FLNB: variants seen among roughly 807,000 people sequenced by gnomAD.
The protein encoded by FLNB is filamin-B.
In FLNB, 111 loss-of-function variants were observed where a neutral mutation model predicts 250.6. That is an observed-to-expected ratio of 0.44 (90% CI 0.38 to 0.52). The LOEUF (loss-of-function observed/expected upper bound fraction) is 0.52, where lower values mean the gene tolerates loss of function less well. FLNB is among the 20% of genes least tolerant of loss of function. The pLI is 0.00. For missense variants in FLNB, 2,869 were observed against 3,447.8 expected, an observed-to-expected ratio of 0.83 and a Z score of 4.20; for synonymous variants, 1,302 against 1,372.1, an observed-to-expected ratio of 0.95 and a Z score of 1.13.
At chr3:58,030,618 A>G (rs1023058343) in intron 1 of FLNB, among the ~76,000 whole-genome samples, 1 of 152,142 alleles carries the variant, frequency 6.6e-6, no homozygotes, top group South Asian at 2.1e-4. Flanking sequence ...TCATGCCTGT[A>G]ATCCCAGCAC....
chr3:58,112,679 G>A (rs565418546), intron 18 of FLNB, among the ~76,000 whole-genome samples: 1 of 152,286 alleles, frequency 6.6e-6, no homozygotes, highest in Admixed American at 6.5e-5. Context: ...ACACACACGT[G>A]CATTCCCTCG....
intron 27 of FLNB, 38 bp downstream of exon 27, chr3:58,134,810 T>G: frequency 6.3e-7 from 1 of 1,585,998 alleles, no homozygotes; most frequent in Non-Finnish European, 8.7e-7. Context: ...ACCTTAATCC[T>G]AAGACTTAAT....
Position 58,169,829 on chromosome 3 carries a change from C to T in FLNB, c.7621+36C>T, listed in dbSNP as rs745396044. On this transcript the variant is annotated intron_variant, in intron 45 of 45. Transcript: ENST00000295956. The surrounding 1 kb of genome is among the most constrained non-coding windows in gnomAD (Gnocchi z 4.8). ...GGGCCTTTTCAAGGGTGGGGTGGGGCAGGGGCAGGCTGGGCACCCTGGGTA... is the reference window on the plus strand; with the variant it reads ...GGGCCTTTTCAAGGGTGGGGTGGGGTAGGGGCAGGCTGGGCACCCTGGGTA... 3.9e-6 allele frequency: 5 copies of T among 1,276,462 alleles called. No individual in the cohort carries two copies. Among genetic ancestry groups the T allele is most frequent in the South Asian group, 1.2e-5 (1 of 83,498 alleles). 79.1% of individuals were successfully genotyped at this position (1,276,462 alleles called of 1,614,324 possible).
chr3:58,110,606 G>A (rs527425631), intron 16 of FLNB, among the ~76,000 whole-genome samples: 1 of 152,008 alleles, frequency 6.6e-6, no homozygotes, highest in Non-Finnish European at 1.5e-5. Flanking sequence ...CACCACGCCT[G>A]GCTAATTTTT....
Position 58,123,566 on chromosome 3 carries a change from C to T in FLNB, c.3600C>T (p.Gly1200=). 1 of 1,611,098 alleles carries T rather than the reference C, an allele frequency of 6.2e-7. No homozygotes were observed. Among genetic ancestry groups the T allele is most frequent in the Non-Finnish European group, 8.5e-7 (1 of 1,179,112 alleles). Residue 1200 remains glycine, a synonymous_variant, in exon 21 of 46, where the codon GGC becomes GGT. Coordinates refer to ENST00000295956, the MANE Select transcript of FLNB (RefSeq NM_001457.4). ...TGACCTACGTGCCCCTGACGGCCGG[C>T]ATGTACACGTTGACCATGAAGTATG... ...YAVTYVPLTA[G]MYTLTMKYGG... is the part of the protein sequence containing the mutation.
Position 58,152,650 on chromosome 3 carries a change from T to C in FLNB, c.6368-725T>C, listed in dbSNP as rs374726325. On this transcript the variant is annotated intron_variant, in intron 38 of 45. Transcript: ENST00000295956. ...TTTGAATTTTGGAGGGACACAAACA[T>C]TCAGTTCATTACATGGGTGACCCTC... is the stretch of plus-strand genomic sequence containing the variant. 15 of 744,710 alleles carry C rather than the reference T, an allele frequency of 2.0e-5. No homozygotes were observed. In the African/African-American group the frequency reaches 2.5e-4, roughly 13 times the overall value. 46.1% of individuals were successfully genotyped at this position (744,710 alleles called of 1,614,324 possible).
intron 1 of FLNB, among the ~76,000 whole-genome samples, chr3:58,038,893 T>C (rs2097142022): frequency 2.0e-5 from 3 of 152,138 alleles, no homozygotes; most frequent in African/African-American, 7.2e-5. Flanking sequence ...AACAATGTGG[T>C]ACTATAATCC....
chr3:58,092,423 C>CA (rs1329104680), intron 4 of FLNB, among the ~76,000 whole-genome samples: 1 of 152,116 alleles, frequency 6.6e-6, no homozygotes, highest in East Asian at 1.9e-4. Flanking sequence ...GCTGGAGGAT[C>CA]ACTTGAGCCC....
intron 1 of FLNB, among the ~76,000 whole-genome samples, chr3:58,054,519 AC>A (rs1559660817): frequency 1.3e-5 from 2 of 152,210 alleles, no homozygotes; most frequent in Non-Finnish European, 2.9e-5. Flanking sequence ...CGGGAAACTT[AC>A]AATCATGGCA....
Position 58,170,870 on chromosome 3 carries a change from T to G in FLNB, c.*108T>G. ...GCCTGTTTGTGGGGCTGAAACCCCA[T>G]CCCTAAAATATTGCTGTTGTAAAAT... On this transcript the variant is annotated 3_prime_UTR_variant, in exon 46 of 46. Coordinates refer to ENST00000295956, the MANE Select transcript of FLNB (RefSeq NM_001457.4). 1 of 996,788 alleles carries G rather than the reference T, an allele frequency of 1.0e-6. No individual in the cohort carries two copies. Among genetic ancestry groups the G allele is most frequent in the Non-Finnish European group, 1.5e-6 (1 of 647,758 alleles). The allele number at this position is 996,788 out of a possible 1,614,324, so 61.7% of individuals were successfully genotyped here. A position where few individuals can be genotyped will look rare whatever the true frequency, so the allele number is the denominator to read the frequency against.
intron 24 of FLNB, among the ~76,000 whole-genome samples, chr3:58,128,982 G>C (rs2097302136): frequency 6.6e-6 from 1 of 152,170 alleles, no homozygotes; most frequent in Non-Finnish European, 1.5e-5. Context: ...TGAAGTGTTG[G>C]TTGGTTTTCT....
chr3:58,065,647 G>A (rs2097184431), intron 1 of FLNB, among the ~76,000 whole-genome samples: 1 of 152,246 alleles, frequency 6.6e-6, no homozygotes, highest in Admixed American at 6.5e-5. Flanking sequence ...TTTGGTTGCT[G>A]TGGATCTAAG....
At chr3:58,129,620 T>A (rs1374753569) in intron 24 of FLNB, among the ~76,000 whole-genome samples, 1 of 152,262 alleles carries the variant, frequency 6.6e-6, no homozygotes, top group Non-Finnish European at 1.5e-5. Context: ...GAAACCCAGC[T>A]GTTGTTAGAA....
chr3:58,043,360 A>G (rs988807911), intron 1 of FLNB, among the ~76,000 whole-genome samples: 4 of 151,986 alleles, frequency 2.6e-5, no homozygotes, highest in Admixed American at 2.6e-4. Context: ...GTAATTTGGC[A>G]TTCTTTTGAG....
intron 38 of FLNB, 81 bp from the exon 39 acceptor site, chr3:58,153,294 C>A: frequency 6.5e-7 from 1 of 1,539,422 alleles, no homozygotes; most frequent in Non-Finnish European, 9.0e-7. Context: ...TTGCTCTCGG[C>A]TGCTTGCCCT....
intron 38 of FLNB, 83 bp from the exon 39 acceptor site, chr3:58,153,292 G>A (rs1265763378): frequency 9.8e-6 from 15 of 1,532,868 alleles, no homozygotes; most frequent in East Asian, 4.5e-5. Context: ...CCTTGCTCTC[G>A]GCTGCTTGCC....
At chr3:58,123,724 A>G in intron 21 of FLNB, 34 bp downstream of exon 21, 1 of 1,492,218 alleles carries the variant, frequency 6.7e-7, no homozygotes, top group Non-Finnish European at 9.2e-7. Flanking sequence ...AAAAAAAAAA[A>G]AAGACAAGCT....
intron 1 of FLNB, among the ~76,000 whole-genome samples, chr3:58,039,521 C>G (rs375297038): frequency 7.9e-5 from 12 of 152,174 alleles, no homozygotes; most frequent in Non-Finnish European, 1.2e-4. Context: ...TCACCACCCC[C>G]CTTGCCTTGT....
rs1340609659 is a variant in FLNB, at chr3:58,148,693, A to G, written c.5932A>G (p.Ile1978Val). ...GGAAGTGGGCGAACATCTGGTCAGC[A>G]TCAAGAAAAATGGCAACCATGTGGC... is the stretch of plus-strand genomic sequence containing the variant. ...PREVGEHLVSIKKNGNHVANS... is the reference protein window; with the variant it reads ...PREVGEHLVSVKKNGNHVANS... Residue 1978 changes from isoleucine to valine, a missense_variant, in exon 36 of 46, where the codon ATC (isoleucine) becomes GTC (valine). By Grantham distance (29) the Ile-to-Val change is conservative. Around this residue, in one of 5 missense-constraint regions of FLNB, gnomAD observed 1,084 missense variants for 1,315.5 expected, o/e 0.82. Coordinates refer to ENST00000295956, the MANE Select transcript of FLNB (RefSeq NM_001457.4). The G allele has an allele frequency of 1.2e-6, 2 of 1,614,038 alleles. No individual in the cohort carries two copies. Among genetic ancestry groups the G allele is most frequent in the African/African-American group, 2.7e-5 (2 of 74,922 alleles).
Sources: allele counts gnomAD v4.1 joint callset (sites outside exome capture counted in the v4.1 genomes callset), GRCh38; gene constraint gnomAD v4.1.1; regional missense constraint gnomAD v4.1.1; non-coding constraint Gnocchi (gnomAD v3.1); transcripts MANE v1.5; gene names NCBI Gene and HGNC (gene_info 2026-07-23, HGNC 2026-07-21).